The following VPS13B variants were observed in gnomAD, a reference collection of about 807,000 sequenced individuals.
The protein encoded by VPS13B is intermembrane lipid transfer protein VPS13B.
Under a neutral mutation model 426.4 loss-of-function variants are expected in VPS13B, and 285 were observed. The observed-to-expected ratio is 0.67, with a 90% confidence interval of 0.61 to 0.74. VPS13B has a LOEUF of 0.74. Among genes scored for constraint, VPS13B ranks in the 30% least tolerant of loss-of-function variants. VPS13B has a pLI of 0.00. For missense variants in VPS13B, 4,537 were observed against 4,782.6 expected (o/e 0.95, Z 1.51); for synonymous variants, 1,676 against 1,676.4 (o/e 1.00, Z 0.01).
At chr8:99,590,066 A>G (rs1023670565) in intron 33 of VPS13B, among the ~76,000 whole-genome samples, 1 of 151,942 alleles carries the variant, frequency 6.6e-6, no homozygotes, top group African/African-American at 2.4e-5. Context: ...TTAGTCTTGG[A>G]AGAGTGTATA....
chr8:99,558,417 T>TTAC (rs1824704500), intron 31 of VPS13B, among the ~76,000 whole-genome samples: 1 of 151,922 alleles, frequency 6.6e-6, no homozygotes, highest in Admixed American at 6.6e-5. Flanking sequence ...CTTTTTATTA[T>TTAC]TATTATTATG....
intron 24 of VPS13B, among the ~76,000 whole-genome samples, chr8:99,476,628 GCTTA>G (rs1054561479): frequency 6.6e-6 from 1 of 152,052 alleles, no homozygotes; most frequent in African/African-American, 2.4e-5. Context: ...TTGATTAACA[GCTTA>G]CTTCTCGTAA....
intron 33 of VPS13B, among the ~76,000 whole-genome samples, chr8:99,639,899 CTGAGGGGTTGTAGGCTGCAG>C (rs1829239609): frequency 1.3e-5 from 2 of 148,476 alleles, no homozygotes; most frequent in South Asian, 4.2e-4. Context: ...TGAGCCACCA[CTGAGGGGTTGTAGGCTGCAG>C]TGAGCTATGA....
At chr8:99,569,046 T>C (rs902847973) in intron 31 of VPS13B, among the ~76,000 whole-genome samples, 14 of 151,758 alleles carry the variant, frequency 9.2e-5, no homozygotes, top group African/African-American at 3.1e-4. Context: ...ATGGTCTCGA[T>C]CTCCTGACCT....
chr8:99,317,113 C>G (rs545568605), intron 19 of VPS13B, among the ~76,000 whole-genome samples: 8 of 152,320 alleles, frequency 5.3e-5, no homozygotes, highest in African/African-American at 1.9e-4. Flanking sequence ...ATGAGTTCAT[C>G]TACTGTATTC....
rs978572306 is a variant in VPS13B, at chr8:99,375,557, C to G, written c.2825-8651C>G. 7.9e-5 allele frequency among the ~76,000 whole-genome samples: 12 copies of G among 152,162 alleles called. No homozygotes were observed. The South Asian group carries it at 2.3e-3, about 29-fold the overall frequency. On this transcript the variant is annotated intron_variant, in intron 19 of 61. Coordinates refer to ENST00000357162, the MANE Select transcript of VPS13B (RefSeq NM_152564.5). ...GATTTATACTAAATTTGACAATTCC[C>G]CTAGATAAAGTTGCTAGTAGTTGGC... is the stretch of plus-strand genomic sequence containing the variant.
chr8:99,351,211 C>T (rs1020985725), intron 19 of VPS13B, among the ~76,000 whole-genome samples: 8 of 152,128 alleles, frequency 5.3e-5, no homozygotes, highest in Admixed American at 2.6e-4. Flanking sequence ...TATTTTACAG[C>T]ATTTGTTGCC....
At chr8:99,739,568 C>T (rs189191605) in intron 39 of VPS13B, among the ~76,000 whole-genome samples, 7 of 152,220 alleles carry the variant, frequency 4.6e-5, no homozygotes, top group Non-Finnish European at 8.8e-5. Flanking sequence ...CTGGGAGGCA[C>T]CCCCAAGTGG....
chr8:99,719,074 A>G (rs907928220), intron 37 of VPS13B, among the ~76,000 whole-genome samples: 6 of 152,220 alleles, frequency 3.9e-5, no homozygotes, highest in African/African-American at 1.4e-4. Flanking sequence ...GGAGATTTTC[A>G]GTATCTATCA....
intron 39 of VPS13B, among the ~76,000 whole-genome samples, chr8:99,756,596 ACT>A (rs1810653048): frequency 6.6e-6 from 1 of 152,162 alleles, no homozygotes; most frequent in Non-Finnish European, 1.5e-5. Flanking sequence ...AAGAGAAGTA[ACT>A]CATCACATAT....
intron 34 of VPS13B, among the ~76,000 whole-genome samples, chr8:99,643,279 A>T (rs2133933948): frequency 6.6e-6 from 1 of 152,320 alleles, no homozygotes; most frequent in Middle Eastern, 3.4e-3. Flanking sequence ...GTATTCAAAG[A>T]GGGCTCTAGC....
intron 17 of VPS13B, among the ~76,000 whole-genome samples, chr8:99,204,212 A>C (rs1247555386): frequency 6.6e-6 from 1 of 152,228 alleles, no homozygotes; most frequent in African/African-American, 2.4e-5. Flanking sequence ...CCACACATCT[A>C]CAACCATCTG....
chr8:99,219,234 T>C (rs568096272), intron 17 of VPS13B, among the ~76,000 whole-genome samples: 1 of 152,332 alleles, frequency 6.6e-6, no homozygotes, highest in African/African-American at 2.4e-5. Context: ...ATTATGAGAA[T>C]GGCCTTGAAT....
chr8:99,084,093 T>G (rs1845635261), intron 3 of VPS13B, among the ~76,000 whole-genome samples: 1 of 152,120 alleles, frequency 6.6e-6, no homozygotes, highest in Admixed American at 6.5e-5. Context: ...GTCCTGGACT[T>G]TTTTTGGTTG....
intron 31 of VPS13B, 99 bp downstream of exon 31, chr8:99,556,752 T>C: frequency 1.5e-6 from 2 of 1,291,342 alleles, no homozygotes; most frequent in Non-Finnish European, 2.2e-6. Flanking sequence ...CTAAGTATTT[T>C]GGTATTGCTT....
At chr8:99,785,650 C>A (rs1176137629) in intron 43 of VPS13B, among the ~76,000 whole-genome samples, 1 of 152,002 alleles carries the variant, frequency 6.6e-6, no homozygotes, top group Admixed American at 6.6e-5. Context: ...TTGTTTTCCT[C>A]GTGTAACATA....
At chr8:99,849,115 G>T (rs1174047023) in intron 55 of VPS13B, among the ~76,000 whole-genome samples, 1 of 152,096 alleles carries the variant, frequency 6.6e-6, no homozygotes, top group Admixed American at 6.6e-5. Context: ...CTGTGGTAGG[G>T]TTAACAAACT....
intron 2 of VPS13B, among the ~76,000 whole-genome samples, chr8:99,026,186 A>G (rs557919828): frequency 3.3e-5 from 5 of 152,098 alleles, no homozygotes; most frequent in African/African-American, 4.8e-5. Flanking sequence ...AGGATTTGCT[A>G]TGTTGTATTT....
chr8:99,147,575 A>T (rs190167578), intron 13 of VPS13B, among the ~76,000 whole-genome samples: 1 of 152,220 alleles, frequency 6.6e-6, no homozygotes, highest in Admixed American at 6.5e-5. Context: ...AAAAGCTGTT[A>T]CTCTTTTAAA....
Sources: allele counts gnomAD v4.1 joint callset (sites outside exome capture counted in the v4.1 genomes callset), GRCh38; gene constraint gnomAD v4.1.1; transcripts MANE v1.5; gene names NCBI Gene and HGNC (gene_info 2026-07-23, HGNC 2026-07-21).